WDR25: variants seen among roughly 807,000 people sequenced by gnomAD.
WDR25 encodes WD repeat-containing protein 25.
WDR25 carries 35 observed loss-of-function variants against 47.7 expected under a neutral mutation model. That is an observed-to-expected ratio of 0.73 (90% CI 0.56 to 0.97). The LOEUF (loss-of-function observed/expected upper bound fraction) is 0.97, where lower values mean the gene tolerates loss of function less well. WDR25 is among the 50% of genes least tolerant of loss of function. The pLI, the probability that WDR25 is intolerant of heterozygous loss-of-function variation, is 0.00. For missense variants in WDR25, 634 were observed against 704.7 expected (o/e 0.90, Z 1.14); for synonymous variants, 248 against 278.9 (o/e 0.89, Z 1.10).
chr14:100,459,250 T>A (rs549555152), intron 2 of WDR25, among the ~76,000 whole-genome samples: 1 of 152,320 alleles, frequency 6.6e-6, no homozygotes, highest in South Asian at 2.1e-4. Context: ...TGACCACCTT[T>A]ATGCCAATGA....
chr14:100,507,475 T>C (rs756961902), intron 4 of WDR25, among the ~76,000 whole-genome samples: 7 of 152,178 alleles, frequency 4.6e-5, no homozygotes, highest in African/African-American at 7.2e-5. Context: ...TAGCATTGGA[T>C]CTATAGAGTG....
At chr14:100,427,771 G>C (rs1898211619) in intron 2 of WDR25, among the ~76,000 whole-genome samples, 5 of 152,250 alleles carry the variant, frequency 3.3e-5, no homozygotes, top group Admixed American at 3.3e-4. Flanking sequence ...CTGGGTTGAT[G>C]GGCACCTTTG....
intron 3 of WDR25, among the ~76,000 whole-genome samples, chr14:100,477,579 T>A (rs896098481): frequency 2.5e-5 from 3 of 121,946 alleles, no homozygotes; most frequent in Non-Finnish European, 3.6e-5. Context: ...GCTCCTTGAT[T>A]TATGAAAAGG....
At chr14:100,451,195 A>G (rs1049402384) in intron 2 of WDR25, among the ~76,000 whole-genome samples, 2 of 152,218 alleles carry the variant, frequency 1.3e-5, no homozygotes, top group Non-Finnish European at 2.9e-5. Flanking sequence ...TGCAGGATTA[A>G]AAGACAGACA....
At chr14:100,402,795 A>G (rs1897418536) in intron 2 of WDR25, among the ~76,000 whole-genome samples, 1 of 152,186 alleles carries the variant, frequency 6.6e-6, no homozygotes, top group African/African-American at 2.4e-5. Context: ...TGTGAGCTCC[A>G]GAGGAAGTCA....
intron 4 of WDR25, among the ~76,000 whole-genome samples, chr14:100,515,012 A>G (rs1901445425): frequency 6.6e-6 from 1 of 152,184 alleles, no homozygotes. Flanking sequence ...CTCTTCCAGT[A>G]CTTTAAACAT....
chr14:100,400,787 G>C (rs77898587), intron 2 of WDR25, among the ~76,000 whole-genome samples: 2,275 of 152,268 alleles, frequency 0.015, 67 homozygotes, highest in African/African-American at 0.049. Context: ...ATTTTAAAGG[G>C]AGGAAGCTTT....
At chr14:100,395,972 GT>G (rs575737706) in intron 2 of WDR25, among the ~76,000 whole-genome samples, 2,580 of 117,262 alleles carry the variant, frequency 0.022, 77 homozygotes, top group African/African-American at 0.074. Flanking sequence ...TCTGTGAAAT[GT>G]TTTTTTTTTT....
chr14:100,452,678 G>A (rs1899074699), intron 2 of WDR25, among the ~76,000 whole-genome samples: 1 of 152,162 alleles, frequency 6.6e-6, no homozygotes, highest in African/African-American at 2.4e-5. Flanking sequence ...GTGATGGGAA[G>A]CCACTGGATA....
intron 4 of WDR25, among the ~76,000 whole-genome samples, chr14:100,484,472 G>A: frequency 6.6e-6 from 1 of 152,046 alleles, no homozygotes; most frequent in Non-Finnish European, 1.5e-5. Context: ...TGGTGTGTGT[G>A]TGTGTGTGTG....
At chr14:100,439,177 G>C (rs1898591389) in intron 2 of WDR25, among the ~76,000 whole-genome samples, 1 of 152,220 alleles carries the variant, frequency 6.6e-6, no homozygotes. Flanking sequence ...TACCCTCCTG[G>C]GTTATTGTTA....
chr14:100,499,443 G>C lies in WDR25; in HGVS notation c.1101+15319G>C, dbSNP rs995132248. Reference sequence around the variant, plus strand: ...ACAATAATTCTTAAACGCAGAATTAGTCGAAAGGTAAGCATGGTTTTTAGG... The same window carrying C: ...ACAATAATTCTTAAACGCAGAATTACTCGAAAGGTAAGCATGGTTTTTAGG... On this transcript the variant is annotated intron_variant, in intron 4 of 6. Transcript: ENST00000402312. This position sits in a 1 kb window ranked among gnomAD's most constrained non-coding sequence, Gnocchi z 4.4. Among the ~76,000 whole-genome samples, 63 of 152,226 alleles carry C rather than the reference G, an allele frequency of 4.1e-4. 1 individual carries two copies. The highest frequency in any genetic ancestry group is 1.3e-3 in the African/African-American group (52 of 41,468).
intron 2 of WDR25, among the ~76,000 whole-genome samples, chr14:100,436,003 G>A (rs1266018424): frequency 2.0e-5 from 3 of 152,136 alleles, no homozygotes; most frequent in Non-Finnish European, 2.9e-5. Flanking sequence ...ATCTTTTTGG[G>A]CCTTAATTGT....
At position 100,388,324 on chromosome 14, in the gene WDR25, C is replaced by T. The variant is rs539265097; in HGVS notation, c.822+6578C>T. On this transcript the variant is annotated intron_variant, in intron 2 of 6. Coordinates refer to ENST00000402312, the MANE Select transcript of WDR25 (RefSeq NM_001161476.3). Reference sequence around the variant, plus strand: ...GGAGAGAATTGGTGATGTGTGTGTGCGCATGTGCGTGCATGCATAGCGTTC... The same window carrying T: ...GGAGAGAATTGGTGATGTGTGTGTGTGCATGTGCGTGCATGCATAGCGTTC... 2.4e-3 allele frequency among the ~76,000 whole-genome samples: 370 copies of T among 152,236 alleles called. 3 individuals are homozygous for T. Among genetic ancestry groups the T allele is most frequent in the Non-Finnish European group, 3.4e-3 (229 of 68,016 alleles).
intron 3 of WDR25, chr14:100,476,508 A>G (rs528193784): frequency 6.6e-5 from 10 of 152,276 alleles, no homozygotes; most frequent in Admixed American, 5.2e-4. Flanking sequence ...TTTTTCCTAC[A>G]TGTTCATGAG....
At chr14:100,510,858 C>A (rs951697533) in intron 4 of WDR25, among the ~76,000 whole-genome samples, 1 of 151,648 alleles carries the variant, frequency 6.6e-6, no homozygotes, top group Non-Finnish European at 1.5e-5. Context: ...TTTCTTTGGC[C>A]TCCCAAAGAG....
In WDR25 at chr14:100,416,488, C is replaced by T. The variant is rs201815671; in HGVS notation, c.822+34742C>T. ...GATTTCTGTTCCTATCACAAACTGC[C>T]TGCTGTGTGCCTTGAATTCTTTCCA... On this transcript the variant is annotated intron_variant, in intron 2 of 6. Coordinates refer to ENST00000402312, the MANE Select transcript of WDR25 (RefSeq NM_001161476.3). 1.4e-4 allele frequency among the ~76,000 whole-genome samples: 21 copies of T among 152,348 alleles called. No homozygotes were observed. The East Asian group carries it at 3.5e-3, about 25-fold the overall frequency.
chr14:100,381,851 C>T (rs1241600689), intron 2 of WDR25, 105 bp downstream of exon 2: 4 of 936,868 alleles, frequency 4.3e-6, no homozygotes, highest in African/African-American at 1.7e-5. Context: ...TTTTTGTGTG[C>T]AGATTTCTGT....
rs2030072768 is a variant in WDR25, at chr14:100,525,437, C to T, written c.1102-433C>T. On this transcript the variant is annotated intron_variant, in intron 4 of 6. Coordinates refer to ENST00000402312, the MANE Select transcript of WDR25 (RefSeq NM_001161476.3). The surrounding 1 kb of genome is among the most constrained non-coding windows in gnomAD (Gnocchi z 4.6). The stretch of plus-strand genomic sequence containing the variant: ...CACACTTGCTCCTGCATTACTGTGG[C>T]TCCTCTGGGACAACAATCTGGGACT... 6.6e-6 allele frequency among the ~76,000 whole-genome samples: 1 copy of T among 152,222 alleles called. No homozygotes were observed. The highest frequency in any genetic ancestry group is 2.4e-5 in the African/African-American group (1 of 41,460).
Sources: gnomAD v4.1 joint callset for allele counts (sites outside exome capture counted in the v4.1 genomes callset) on GRCh38, gnomAD v4.1.1 for gene constraint, Gnocchi (gnomAD v3.1) non-coding constraint, MANE v1.5 for transcripts, NCBI Gene and HGNC (gene_info 2026-07-23, HGNC 2026-07-21) for gene names.